Variants in PARD3B observed in about 807,000 individuals in gnomAD.
PARD3B encodes partitioning defective 3 homolog B.
In PARD3B, 103 loss-of-function variants were observed where a neutral mutation model predicts 130.2. That is an observed-to-expected ratio of 0.79 (90% CI 0.67 to 0.93). The LOEUF (loss-of-function observed/expected upper bound fraction) is 0.93, where lower values mean the gene tolerates loss of function less well. Among genes scored for constraint, PARD3B ranks in the 40% least tolerant of loss-of-function variants. The probability of loss-of-function intolerance (pLI) is 0.00; values close to 1 mark genes in which losing one functional copy is unlikely to be tolerated. For synonymous variants in PARD3B, 583 were observed against 553.2 expected (o/e 1.05, Z -0.76); for missense variants, 1,609 against 1,499.2 (o/e 1.07, Z -1.21).
chr2:205,139,477 A>G (rs2032767294), intron 10 of PARD3B, among the ~76,000 whole-genome samples: 1 of 152,234 alleles, frequency 6.6e-6, no homozygotes, highest in South Asian at 2.1e-4. Context: ...TTTCAGTGTA[A>G]TTATTAATGC....
At chr2:205,217,401 A>T (rs2037969925) in intron 15 of PARD3B, among the ~76,000 whole-genome samples, 2 of 152,226 alleles carry the variant, frequency 1.3e-5, no homozygotes, top group African/African-American at 2.4e-5. Context: ...AAAAATGATA[A>T]GAGAGCAATG....
chr2:205,166,857 A>G (rs1391748946), intron 11 of PARD3B, among the ~76,000 whole-genome samples: 1 of 152,120 alleles, frequency 6.6e-6, no homozygotes, highest in Non-Finnish European at 1.5e-5. Context: ...GGGAGTTGAT[A>G]ATATCCCAGG....
chr2:204,622,356 C>G (rs970020964), intron 1 of PARD3B, among the ~76,000 whole-genome samples: 1 of 152,148 alleles, frequency 6.6e-6, no homozygotes. Flanking sequence ...CCAACTCCCA[C>G]GATACCCTCA....
Position 204,832,678 on chromosome 2 carries a change from G to A in PARD3B, c.223-132474G>A, listed in dbSNP as rs1308161944. Among the ~76,000 whole-genome samples, 5 of 152,258 alleles carry A rather than the reference G, an allele frequency of 3.3e-5. No individual in the cohort carries two copies. In the East Asian group the frequency reaches 7.7e-4, roughly 24 times the overall value. The stretch of plus-strand genomic sequence containing the variant: ...GTAGATTCTTGGCTGTGATGGGTAC[G>A]CTGGGCTTGAGTAGTGAGGAACCTC... On this transcript the variant is annotated intron_variant, in intron 2 of 22. Transcript: ENST00000406610.
intron 20 of PARD3B, among the ~76,000 whole-genome samples, chr2:205,466,275 A>C (rs189674121): frequency 5.9e-5 from 9 of 152,330 alleles, no homozygotes; most frequent in African/African-American, 2.2e-4. Context: ...CCAAAATTTC[A>C]GCTGTCATTT....
At chr2:205,457,495 G>A (rs183827038) in intron 20 of PARD3B, among the ~76,000 whole-genome samples, 37 of 152,004 alleles carry the variant, frequency 2.4e-4, no homozygotes, top group African/African-American at 8.4e-4. Context: ...TATATGGTAA[G>A]CATTTATTTT....
In PARD3B at chr2:205,615,906, AT is replaced by A; in HGVS notation, c.*95del. The A allele has an allele frequency of 7.5e-6, 8 of 1,073,542 alleles. No individual in the cohort carries two copies. In the South Asian group the frequency reaches 1.2e-4, roughly 17 times the overall value. 66.5% of individuals were successfully genotyped at this position (1,073,542 alleles called of 1,614,324 possible). ...CCTGAAGACCTCCTTGGTGTTAGGA[AT>A]TCTCCATGTTACTGATAAGCTTTTT... On this transcript the variant is annotated 3_prime_UTR_variant, in exon 23 of 23. Transcript: ENST00000406610.
At chr2:205,518,347 T>A (rs2050882720) in intron 21 of PARD3B, among the ~76,000 whole-genome samples, 1 of 152,086 alleles carries the variant, frequency 6.6e-6, no homozygotes, top group African/African-American at 2.4e-5. Flanking sequence ...CTTTATCTTA[T>A]CTTTTTGATC....
At chr2:205,212,364 C>A (rs2037690639) in intron 15 of PARD3B, among the ~76,000 whole-genome samples, 1 of 152,190 alleles carries the variant, frequency 6.6e-6, no homozygotes, top group South Asian at 2.1e-4. Context: ...ATAAATGCAG[C>A]ATTTCCCAAA....
At chr2:204,761,932 G>T (rs1299140818) in intron 2 of PARD3B, among the ~76,000 whole-genome samples, 1 of 151,638 alleles carries the variant, frequency 6.6e-6, no homozygotes, top group South Asian at 2.1e-4. Flanking sequence ...TATGAATCAG[G>T]CTTTCAATTT....
chr2:204,618,272 A>C (rs1364042657), intron 1 of PARD3B, among the ~76,000 whole-genome samples: 1 of 152,158 alleles, frequency 6.6e-6, no homozygotes, highest in Admixed American at 6.6e-5. Flanking sequence ...TGTGGCATGG[A>C]GTGTGTGCAG....
rs202062600 is a variant in PARD3B, at chr2:205,301,638, G to T, written c.2567G>T (p.Arg856Leu). The T allele has an allele frequency of 8.4e-5, 135 of 1,613,052 alleles. 1 individual carries two copies. The African/African-American group carries it at 1.7e-3, about 20-fold the overall frequency. Residue 856 changes from arginine (R) to leucine (L), a missense_variant, in exon 18 of 23, where the codon CGC (arginine) becomes CTC (leucine). Coordinates refer to ENST00000406610, the MANE Select transcript of PARD3B (RefSeq NM_001302769.2). This position sits in a 1 kb window ranked among gnomAD's most constrained non-coding sequence, Gnocchi z 5.2. ...AAATTGAAAGTCAAGGAGAAAAAGC[G>T]CAAAGAGGAGAATGAAGATCCAGAA... The part of the protein sequence containing the change: ...KGKLKVKEKK[R>L]KEENEDPERK...
intron 21 of PARD3B, among the ~76,000 whole-genome samples, chr2:205,518,964 C>T (rs1025531111): frequency 5.9e-5 from 9 of 152,148 alleles, no homozygotes; most frequent in Non-Finnish European, 1.2e-4. Context: ...CCATTAGCCT[C>T]GATGGTGTTC....
chr2:204,703,611 G>T (rs1401694067), intron 2 of PARD3B, among the ~76,000 whole-genome samples: 2 of 152,136 alleles, frequency 1.3e-5, no homozygotes, highest in Admixed American at 6.5e-5. Flanking sequence ...TTCAAGCTGT[G>T]TAATTATGAA....
In PARD3B at chr2:205,121,844, C is replaced by T. The variant is rs773130577; in HGVS notation, c.1060C>T (p.Arg354Ter). The T allele has an allele frequency of 3.1e-6, 5 of 1,614,040 alleles. No individual in the cohort carries two copies. Among genetic ancestry groups the T allele is most frequent in the Non-Finnish European group, 3.4e-6 (4 of 1,180,002 alleles). Residue 354 changes from arginine to a stop codon, truncating the protein, a stop_gained, in exon 8 of 23, where the codon CGA (arginine) becomes TGA (stop). Transcript: ENST00000406610. LOFTEE classifies it high-confidence loss of function. This position sits in a 1 kb window ranked among gnomAD's most constrained non-coding sequence, Gnocchi z 5.0. Reference protein sequence around the residue: ...SASLQQNKSPRVPRLGGKPSS... With the variant: ...SASLQQNKSP ...TTCCCTGCAACAAAACAAGAGTCCC[C>T]GAGTACCAAGGCTGGGAGGAAAACC...
chr2:205,522,967 G>A (rs2051147491), intron 21 of PARD3B, among the ~76,000 whole-genome samples: 1 of 151,530 alleles, frequency 6.6e-6, no homozygotes. Flanking sequence ...ACAGATATTA[G>A]GTTAAAATTC....
chr2:205,425,550 T>TAA (rs34514205), intron 19 of PARD3B, among the ~76,000 whole-genome samples: 1 of 134,694 alleles, frequency 7.4e-6, no homozygotes, highest in Non-Finnish European at 1.6e-5. Flanking sequence ...AGACTCGGTG[T>TAA]AAAAAAAAAA....
chr2:205,372,365 G>T (rs2044856301), intron 18 of PARD3B, among the ~76,000 whole-genome samples: 1 of 152,178 alleles, frequency 6.6e-6, no homozygotes, highest in Non-Finnish European at 1.5e-5. Flanking sequence ...TAGTTTTGAA[G>T]TGGTTTTGAG....
At chr2:205,387,888 G>A (rs1417361834) in intron 18 of PARD3B, among the ~76,000 whole-genome samples, 1 of 152,176 alleles carries the variant, frequency 6.6e-6, no homozygotes, top group Non-Finnish European at 1.5e-5. Flanking sequence ...CAGAAACACA[G>A]GCTGCCAGTT....
Sources: gnomAD v4.1 joint callset for allele counts (sites outside exome capture counted in the v4.1 genomes callset) on GRCh38, gnomAD v4.1.1 for gene constraint, Gnocchi (gnomAD v3.1) non-coding constraint, MANE v1.5 for transcripts, NCBI Gene and HGNC (gene_info 2026-07-23, HGNC 2026-07-21) for gene names.